The following ZNRF1 variants were observed in gnomAD, a reference collection of about 807,000 sequenced individuals.
ZNRF1 encodes the protein zinc and ring finger 1.
ZNRF1 carries 3 observed loss-of-function variants against 18.4 expected under a neutral mutation model. That is an observed-to-expected ratio of 0.16 (90% CI 0.07 to 0.42). ZNRF1 has a LOEUF of 0.42. Ranked by LOEUF, ZNRF1 falls within the 10% of genes least tolerant of loss-of-function variation. The probability of loss-of-function intolerance (pLI) is 0.99; values close to 1 mark genes in which losing one functional copy is unlikely to be tolerated. For synonymous variants in ZNRF1, 157 were observed against 144.2 expected (o/e 1.09, Z -0.64); for missense variants, 310 against 329.8 (o/e 0.94, Z 0.47).
At chr16:75,073,468 C>A (rs1186284524) in intron 1 of ZNRF1, among the ~76,000 whole-genome samples, 5 of 151,984 alleles carry the variant, frequency 3.3e-5, no homozygotes, top group Non-Finnish European at 7.4e-5. Context: ...TGTCCATTCC[C>A]CACCCCGCCG....
intron 1 of ZNRF1, among the ~76,000 whole-genome samples, chr16:75,062,777 G>A (rs1381231317): frequency 2.0e-5 from 3 of 152,226 alleles, no homozygotes; most frequent in Non-Finnish European, 4.4e-5. Flanking sequence ...CAGGAGGAAC[G>A]AGGAGGAATC....
chr16:75,010,017 C>G (rs957976147), intron 1 of ZNRF1, among the ~76,000 whole-genome samples: 1 of 152,006 alleles, frequency 6.6e-6, no homozygotes, highest in East Asian at 1.9e-4. Context: ...GAGTTTTGCC[C>G]TGTTGCCCAG....
chr16:75,005,087 T>G (rs60243757), intron 1 of ZNRF1, among the ~76,000 whole-genome samples: 3,568 of 152,232 alleles, frequency 0.023, 162 homozygotes, highest in African/African-American at 0.083. Context: ...CCGCCATAGG[T>G]GTGCTAGAAG....
At chr16:75,097,372 G>A (rs1230450914) in intron 2 of ZNRF1, among the ~76,000 whole-genome samples, 1 of 152,068 alleles carries the variant, frequency 6.6e-6, no homozygotes, top group Admixed American at 6.6e-5. Flanking sequence ...AGGTTCATTT[G>A]CCAGCAGCAC....
At chr16:75,076,348 CATCCCCATAGGTTTCAGGTCA>C (rs1333837171) in intron 1 of ZNRF1, among the ~76,000 whole-genome samples, 1 of 152,054 alleles carries the variant, frequency 6.6e-6, no homozygotes, top group African/African-American at 2.4e-5. Flanking sequence ...CGCTGATGTC[CATCCCCATAGGTTTCAGGTCA>C]AGAGCCTGTG....
chr16:75,001,940 G>A (rs1478784730), intron 1 of ZNRF1, among the ~76,000 whole-genome samples: 1 of 152,146 alleles, frequency 6.6e-6, no homozygotes, highest in Non-Finnish European at 1.5e-5. Context: ...GGACAGGAAG[G>A]TTGGAGCATA....
intron 1 of ZNRF1, among the ~76,000 whole-genome samples, chr16:75,022,009 T>C (rs1264736858): frequency 6.6e-6 from 1 of 152,216 alleles, no homozygotes; most frequent in Non-Finnish European, 1.5e-5. Flanking sequence ...TCCAGTTCTT[T>C]ATATGCTTTA....
In ZNRF1 at chr16:75,056,785, C is replaced by A. The variant is rs556643626; in HGVS notation, c.425-36787C>A. On this transcript the variant is annotated intron_variant, in intron 1 of 4. Coordinates refer to ENST00000335325, the MANE Select transcript of ZNRF1 (RefSeq NM_032268.5). ...GGGATTACAGGTGTGTGCCACCATG[C>A]TTGGCTAATTTTTGTATTTTTAGTA... Among the ~76,000 whole-genome samples, 121 of 152,212 alleles carry A rather than the reference C, an allele frequency of 7.9e-4. 1 individual carries two copies. The highest frequency in any genetic ancestry group is 2.8e-3 in the African/African-American group (116 of 41,520).
intron 1 of ZNRF1, among the ~76,000 whole-genome samples, chr16:75,062,945 G>A (rs1309996188): frequency 6.6e-6 from 1 of 152,172 alleles, no homozygotes; most frequent in Non-Finnish European, 1.5e-5. Context: ...TGGAGATAGT[G>A]CCCCCTTTCT....
rs1159453626 is a variant in ZNRF1, at chr16:75,107,765, C to T, written c.*65C>T. 1 of 456,504 alleles carries T rather than the reference C, an allele frequency of 2.2e-6. No homozygotes were observed. The highest frequency in any genetic ancestry group is 2.3e-5 in the Admixed American group (1 of 42,576). The allele number at this position is 456,504 out of a possible 1,614,324, so 28.3% of individuals were successfully genotyped here. A position where few individuals can be genotyped will look rare whatever the true frequency, so the allele number is the denominator to read the frequency against. ...GCGCCCCTGCTCCAGGGAGGAGGCT[C>T]ACCGGACCCTGGGGCAGAGCTGAGC... On this transcript the variant is annotated 3_prime_UTR_variant, in exon 5 of 5. Transcript: ENST00000335325.
rs2036339050 is a variant in ZNRF1 at position 75,108,104 on chromosome 16, G to T, written c.*404G>T. ...GCTGCCCAGCCATAACCCACTCAGT[G>T]ACAGACGAACACAGCTAAGGCCTCG... On this transcript the variant is annotated 3_prime_UTR_variant, in exon 5 of 5. Coordinates refer to ENST00000335325, the MANE Select transcript of ZNRF1 (RefSeq NM_032268.5). 8.1e-6 allele frequency: 2 copies of T among 246,974 alleles called. No homozygotes were observed. The allele number at this position is 246,974 out of a possible 1,614,324, so 15.3% of individuals were successfully genotyped here.
Position 75,106,442 on chromosome 16 carries a change from A to G in ZNRF1, c.627-40A>G, listed in dbSNP as rs775202582. On this transcript the variant is annotated intron_variant, in intron 3 of 4. Coordinates refer to ENST00000335325, the MANE Select transcript of ZNRF1 (RefSeq NM_032268.5). ...AGAGCCCCTTCAAAGCAGCCTGGGC[A>G]GCAGGTAACGTGGTTTCCCTTGCGG... 3 of 1,612,576 alleles carry G rather than the reference A, an allele frequency of 1.9e-6. No homozygotes were observed. In the East Asian group the frequency reaches 6.7e-5, roughly 36 times the overall value.
intron 1 of ZNRF1, among the ~76,000 whole-genome samples, chr16:75,043,255 G>A (rs906683440): frequency 2.6e-5 from 4 of 152,182 alleles, no homozygotes; most frequent in African/African-American, 9.7e-5. Context: ...GCATTTATCA[G>A]ATTTTTTTCA....
At position 75,012,695 on chromosome 16, in the gene ZNRF1, G is replaced by A. The variant is rs377650546; in HGVS notation, c.424+12600G>A. Among the ~76,000 whole-genome samples, 23 of 152,294 alleles carry A rather than the reference G, an allele frequency of 1.5e-4. 2 individuals carry two copies. The highest frequency in any genetic ancestry group is 1.0e-3 in the South Asian group (5 of 4,828). ...TCTTAAACTTTTCTGCCAACCTAGC[G>A]TGAGTTTTAGCTGTTTTCAACTTCA... On this transcript the variant is annotated intron_variant, in intron 1 of 4. Coordinates refer to ENST00000335325, the MANE Select transcript of ZNRF1 (RefSeq NM_032268.5).
intron 1 of ZNRF1, among the ~76,000 whole-genome samples, chr16:75,047,957 C>CT (rs35369673): frequency 0.49 from 72,609 of 147,286 alleles, 18,762 homozygotes; most frequent in Middle Eastern, 0.59. Context: ...CCTCATCATT[C>CT]TTTTTTTTTT....
rs918412410 is a variant in ZNRF1, at chr16:75,109,049, C to T, written c.*1349C>T. On this transcript the variant is annotated 3_prime_UTR_variant, in exon 5 of 5. Transcript: ENST00000335325. ...TTCTTCCAGGTGTGGGCCCAGCCCC[C>T]CTCCTTCCAGCCTTTGCTCCCCATC... 1 of 153,356 alleles carries T rather than the reference C, an allele frequency of 6.5e-6. No homozygotes were observed. The highest frequency in any genetic ancestry group is 1.5e-5 in the Non-Finnish European group (1 of 68,864). The allele number at this position is 153,356 out of a possible 1,614,324, so 9.5% of individuals were successfully genotyped here.
chr16:75,087,235 A>T (rs1235754339), intron 1 of ZNRF1, among the ~76,000 whole-genome samples: 1 of 152,210 alleles, frequency 6.6e-6, no homozygotes, highest in Non-Finnish European at 1.5e-5. Flanking sequence ...AGGAACATTG[A>T]TGCACATGAC....
intron 2 of ZNRF1, among the ~76,000 whole-genome samples, chr16:75,103,800 C>T (rs944337199): frequency 1.3e-5 from 2 of 152,146 alleles, no homozygotes; most frequent in African/African-American, 4.8e-5. Context: ...GCCCGGCCAA[C>T]ATGGTGAAAC....
chr16:75,058,246 A>G (rs1371795579), intron 1 of ZNRF1, among the ~76,000 whole-genome samples: 1 of 151,828 alleles, frequency 6.6e-6, no homozygotes, highest in Non-Finnish European at 1.5e-5. Flanking sequence ...GACTACAAGC[A>G]TGTGCCACAA....
Sources: gnomAD v4.1 joint callset for allele counts (sites outside exome capture counted in the v4.1 genomes callset) on GRCh38, gnomAD v4.1.1 for gene constraint, MANE v1.5 for transcripts, NCBI Gene and HGNC (gene_info 2026-07-23, HGNC 2026-07-21) for gene names.